GRM7: variants seen among roughly 807,000 people sequenced by gnomAD.
GRM7 encodes the protein glutamate metabotropic receptor 7.
GRM7 carries 35 observed loss-of-function variants against 84.5 expected under a neutral mutation model. That is an observed-to-expected ratio of 0.41 (90% confidence interval 0.32 to 0.55). The LOEUF (loss-of-function observed/expected upper bound fraction) is 0.55, where lower values mean the gene tolerates loss of function less well. GRM7 is among the 20% of genes least tolerant of loss of function. The pLI, the probability that GRM7 is intolerant of heterozygous loss-of-function variation, is 0.19. For missense variants in GRM7, 1,003 were observed against 1,194.6 expected (o/e 0.84, Z 2.36); for synonymous variants, 487 against 455.1 (o/e 1.07, Z -0.89).
At chr3:7,239,650 T>C (rs1697476123) in intron 2 of GRM7, among the ~76,000 whole-genome samples, 1 of 152,148 alleles carries the variant, frequency 6.6e-6, no homozygotes, top group Non-Finnish European at 1.5e-5. Flanking sequence ...TGGGTGGGCA[T>C]CATCCAGTCT....
rs143227748 is a variant in GRM7 at position 7,146,819 on chromosome 3, T to G, written c.736+151T>G. On this transcript the variant is annotated intron_variant, in intron 2 of 9. Coordinates refer to ENST00000357716, the MANE Select transcript of GRM7 (RefSeq NM_000844.4). ...TGTGATGTCTTCATCTGTATGACTT[T>G]GTTGTTTTTGGAGAGATTTTTGAAG... The G allele has an allele frequency of 1.8e-4, 109 of 621,402 alleles. No individual in the cohort carries two copies. The East Asian group carries it at 2.8e-3, about 16-fold the overall frequency. 38.5% of individuals were successfully genotyped at this position (621,402 alleles called of 1,614,324 possible).
At chr3:7,655,646 T>C (rs551319245) in intron 8 of GRM7, among the ~76,000 whole-genome samples, 4 of 152,260 alleles carry the variant, frequency 2.6e-5, no homozygotes, top group African/African-American at 9.6e-5. Flanking sequence ...GATCTGAGGG[T>C]GAGGCATCTA....
At chr3:7,110,875 A>G (rs148237209) in intron 1 of GRM7, among the ~76,000 whole-genome samples, 1 of 152,070 alleles carries the variant, frequency 6.6e-6, no homozygotes, top group African/African-American at 2.4e-5. Context: ...GATGAGGAAC[A>G]TTCAACACAG....
chr3:7,542,647 A>C (rs1311947116), intron 7 of GRM7, among the ~76,000 whole-genome samples: 1 of 151,018 alleles, frequency 6.6e-6, no homozygotes, highest in Non-Finnish European at 1.5e-5. Context: ...TCCCGGGTTC[A>C]AGCGAATCTC....
chr3:7,075,158 C>G (rs970239936), intron 1 of GRM7, among the ~76,000 whole-genome samples: 2 of 152,144 alleles, frequency 1.3e-5, no homozygotes, highest in East Asian at 3.9e-4. Context: ...TCTGTATGGA[C>G]TCAGATGAAT....
chr3:7,020,802 T>G (rs553877767), intron 1 of GRM7, among the ~76,000 whole-genome samples: 1 of 152,300 alleles, frequency 6.6e-6, no homozygotes, highest in Admixed American at 6.5e-5. Flanking sequence ...ATCCTCTACT[T>G]ACTGGGCAAT....
rs529569168 is a variant in GRM7 at position 7,626,307 on chromosome 3, A to T, written c.2451+46950A>T. 3.3e-5 allele frequency among the ~76,000 whole-genome samples: 5 copies of T among 152,238 alleles called. No individual in the cohort carries two copies. In the East Asian group the frequency reaches 9.7e-4, roughly 29 times the overall value. On this transcript the variant is annotated intron_variant, in intron 8 of 9. Transcript: ENST00000357716. ...AGTAAGTAGATACATTAAACTTTCT[A>T]ACATGAAACGTCCAGAAGGCAACTA... is the stretch of plus-strand genomic sequence containing the variant.
chr3:6,882,976 C>A (rs1169071748), intron 1 of GRM7, among the ~76,000 whole-genome samples: 2 of 152,182 alleles, frequency 1.3e-5, no homozygotes, highest in Admixed American at 1.3e-4. Context: ...AATTTGAGTA[C>A]ATATTGACGT....
chr3:7,543,708 T>C (rs1413993195), intron 7 of GRM7, among the ~76,000 whole-genome samples: 1 of 152,196 alleles, frequency 6.6e-6, no homozygotes, highest in East Asian at 1.9e-4. Context: ...CAGAATTTAA[T>C]AGGAGGAGAG....
chr3:7,679,435 T>C (rs1026832274), intron 8 of GRM7, among the ~76,000 whole-genome samples: 12 of 152,254 alleles, frequency 7.9e-5, no homozygotes, highest in Non-Finnish European at 1.0e-4. Context: ...TTTGACAATA[T>C]AGAGTAGACA....
In GRM7 at chr3:7,408,338, A is replaced by G. The variant is rs533320563; in HGVS notation, c.1034-6685A>G. Among the ~76,000 whole-genome samples the G allele has an allele frequency of 2.6e-5, 4 of 152,334 alleles. No individual in the cohort carries two copies. In the East Asian group the frequency reaches 7.7e-4, roughly 29 times the overall value. Reference sequence around the variant, plus strand: ...CTTTGGAGACATTTTGTGCAATAACATTGCAGACATTATTTCCTCTACCTC... The same window carrying G: ...CTTTGGAGACATTTTGTGCAATAACGTTGCAGACATTATTTCCTCTACCTC... On this transcript the variant is annotated intron_variant, in intron 4 of 9. Transcript: ENST00000357716.
At chr3:7,693,985 T>C (rs965065676) in intron 9 of GRM7, among the ~76,000 whole-genome samples, 2 of 152,198 alleles carry the variant, frequency 1.3e-5, no homozygotes, top group African/African-American at 4.8e-5. Flanking sequence ...TCTACTGTGA[T>C]GCAATACTGA....
chr3:7,336,926 G>C (rs111593973), intron 4 of GRM7, among the ~76,000 whole-genome samples: 5,953 of 151,840 alleles, frequency 0.039, 247 homozygotes, highest in African/African-American at 0.11. Context: ...ACATTCCATG[G>C]TCATGAATGG....
chr3:7,027,873 A>T (rs984303962), intron 1 of GRM7, among the ~76,000 whole-genome samples: 1 of 152,064 alleles, frequency 6.6e-6, no homozygotes, highest in East Asian at 1.9e-4. Context: ...GAATCTTCAC[A>T]TGGATGGTTT....
intron 7 of GRM7, among the ~76,000 whole-genome samples, chr3:7,532,659 C>A (rs1213632886): frequency 1.3e-5 from 2 of 151,732 alleles, no homozygotes; most frequent in Non-Finnish European, 2.9e-5. Context: ...TTGTCTTCTG[C>A]TAGCTTTTGA....
intron 1 of GRM7, among the ~76,000 whole-genome samples, chr3:7,054,486 C>G (rs1365443190): frequency 6.6e-6 from 1 of 151,416 alleles, no homozygotes; most frequent in African/African-American, 2.4e-5. Context: ...ATGTTAAGTA[C>G]AACGTTAAAC....
At chr3:7,250,519 A>C (rs1697940102) in intron 2 of GRM7, among the ~76,000 whole-genome samples, 1 of 20,272 alleles carries the variant, frequency 4.9e-5, no homozygotes, top group African/African-American at 1.8e-4. Flanking sequence ...TTATTTATTT[A>C]TTTATTATTT....
chr3:7,199,036 T>C (rs1289051817), intron 2 of GRM7, among the ~76,000 whole-genome samples: 4 of 152,212 alleles, frequency 2.6e-5, no homozygotes, highest in Admixed American at 6.5e-5. Flanking sequence ...TTGTTGTAAG[T>C]AGTCTTCAAA....
intron 9 of GRM7, among the ~76,000 whole-genome samples, chr3:7,687,024 G>A (rs73809652): frequency 0.015 from 2,236 of 152,182 alleles, 55 homozygotes; most frequent in African/African-American, 0.041. Flanking sequence ...TTTACTGGCC[G>A]GGATTGATAA....
Sources: allele counts gnomAD v4.1 joint callset (sites outside exome capture counted in the v4.1 genomes callset), GRCh38; gene constraint gnomAD v4.1.1; transcripts MANE v1.5; gene names NCBI Gene and HGNC (gene_info 2026-07-23, HGNC 2026-07-21).